Variants in MARK3 observed in about 807,000 individuals in gnomAD.
MARK3 encodes MAP/microtubule affinity-regulating kinase 3.
MARK3 carries 46 observed loss-of-function variants against 90.1 expected under a neutral mutation model. The observed-to-expected ratio is 0.51, with a 90% CI of 0.40 to 0.65. The LOEUF is 0.65. Ranked by LOEUF, MARK3 falls within the 30% of genes least tolerant of loss-of-function variation. The pLI is 0.00. For synonymous variants in MARK3, 321 were observed against 332.6 expected, an observed-to-expected ratio of 0.97 and a Z score of 0.38; for missense variants, 818 against 947.2, an observed-to-expected ratio of 0.86 and a Z score of 1.79.
At chr14:103,399,127 T>TA (rs1195519959) in intron 1 of MARK3, among the ~76,000 whole-genome samples, 2 of 152,220 alleles carry the variant, frequency 1.3e-5, no homozygotes, top group South Asian at 2.1e-4. Context: ...ATATTGATGT[T>TA]AAAAAAATTT....
intron 15 of MARK3, among the ~76,000 whole-genome samples, chr14:103,497,346 A>T (rs924920147): frequency 5.3e-5 from 8 of 152,254 alleles, no homozygotes; most frequent in Admixed American, 5.2e-4. Context: ...TTCAGCAGAT[A>T]TAGATGACTG....
rs764249228 is a variant in MARK3 at position 103,491,908 on chromosome 14, G to A, written c.1718G>A (p.Arg573Gln). 24 of 1,613,968 alleles carry A rather than the reference G, an allele frequency of 1.5e-5. No individual in the cohort carries two copies. Among genetic ancestry groups the A allele is most frequent in the African/African-American group, 2.7e-5 (2 of 74,888 alleles). Residue 573 changes from arginine (R) to glutamine (Q), a missense_variant, in exon 15 of 18, where the codon CGA becomes CAA. Transcript: ENST00000429436. ...TTCCACGGCCAGCCCCGGGAACGGC[G>A]AACCGCAACATATAATGGCCCTCCT... ...STFHGQPRERRTATYNGPPAS... is the reference protein window; with the variant it reads ...STFHGQPRERQTATYNGPPAS...
At chr14:103,425,245 A>ATTT in intron 2 of MARK3, among the ~76,000 whole-genome samples, 1 of 119,002 alleles carries the variant, frequency 8.4e-6, no homozygotes, top group East Asian at 2.5e-4. Context: ...TGGCCTATTT[A>ATTT]TTTATTATTT....
chr14:103,480,539 A>G lies in MARK3; in HGVS notation c.1586+49A>G, dbSNP rs1187692878. ...AGAAAAGTTGTTTTTCCCAAGAGAA[A>G]TGGAAGCATGTTATTTACTGCTTTG... On this transcript the variant is annotated intron_variant, in intron 14 of 17. Transcript: ENST00000429436. The G allele has an allele frequency of 4.5e-6, 5 of 1,100,726 alleles. No homozygotes were observed. In the African/African-American group the frequency reaches 7.8e-5, roughly 17 times the overall value. 68.2% of individuals were successfully genotyped at this position (1,100,726 alleles called of 1,614,324 possible).
In MARK3 at chr14:103,444,517, G is replaced by A. The variant is rs571947055; in HGVS notation, c.298-4402G>A. 1.1e-4 allele frequency among the ~76,000 whole-genome samples: 17 copies of A among 152,344 alleles called. No individual in the cohort carries two copies. The East Asian group carries it at 2.3e-3, about 21-fold the overall frequency. On this transcript the variant is annotated intron_variant, in intron 3 of 17. Coordinates refer to ENST00000429436, the MANE Select transcript of MARK3 (RefSeq NM_001128918.3). ...AAATAGGCTGGGCGCGGTGGCTCAC[G>A]CCTGTAATCCCAGCACTTTGGGAGG...
intron 1 of MARK3, among the ~76,000 whole-genome samples, chr14:103,399,879 G>A (rs2090844532): frequency 6.6e-6 from 1 of 151,594 alleles, no homozygotes; most frequent in African/African-American, 2.4e-5. Flanking sequence ...CTACATGGTT[G>A]CATTCAAGGA....
intron 1 of MARK3, among the ~76,000 whole-genome samples, chr14:103,393,461 G>GAA (rs371038092): frequency 6.8e-6 from 1 of 146,876 alleles, no homozygotes; most frequent in Non-Finnish European, 1.5e-5. Context: ...TCTTAAGAAA[G>GAA]AAAAAAAAAA....
intron 5 of MARK3, among the ~76,000 whole-genome samples, chr14:103,452,469 G>GTATTTTTTT (rs1404035040): frequency 1.2e-5 from 1 of 84,218 alleles, no homozygotes; most frequent in Non-Finnish European, 3.2e-5. Flanking sequence ...TACAGGATTT[G>GTATTTTTTT]TCTTTTTTTT....
At position 103,495,448 on chromosome 14, in the gene MARK3, C is replaced by G. The variant is rs1285613532; in HGVS notation, c.1845-3054C>G. On this transcript the variant is annotated intron_variant, in intron 15 of 17. Coordinates refer to ENST00000429436, the MANE Select transcript of MARK3 (RefSeq NM_001128918.3). Reference sequence around the variant, plus strand: ...AGAGCCAAGATCACACCATTGCACTCCAGCCTGGCGACAGATTGACACTCC... The same window carrying G: ...AGAGCCAAGATCACACCATTGCACTGCAGCCTGGCGACAGATTGACACTCC... Among the ~76,000 whole-genome samples the G allele has an allele frequency of 6.7e-4, 4 of 5,936 alleles. No individual in the cohort carries two copies. The Non-Finnish European group carries it at 0.047, about 69-fold the overall frequency. The allele number at this position is 5,936 out of a possible 152,430, so 3.9% of individuals were successfully genotyped here.
At chr14:103,500,113 T>C in intron 16 of MARK3, 43 bp from the exon 17 acceptor site, 1 of 1,536,678 alleles carries the variant, frequency 6.5e-7, no homozygotes, top group Non-Finnish European at 9.0e-7. Context: ...AGATTTCTTT[T>C]CTCTTTCCCT....
At chr14:103,494,838 T>C (rs563717797) in intron 15 of MARK3, among the ~76,000 whole-genome samples, 135 of 152,274 alleles carry the variant, frequency 8.9e-4, no homozygotes, top group African/African-American at 3.0e-3. Context: ...GGTTTTATCA[T>C]GTTGGCCAGG....
At chr14:103,458,480 C>CAAAA (rs959742114) in intron 6 of MARK3, among the ~76,000 whole-genome samples, 4 of 98,434 alleles carry the variant, frequency 4.1e-5, no homozygotes, top group South Asian at 4.4e-4. Flanking sequence ...AAAAAAGAAG[C>CAAAA]AGCAGCTGTA....
chr14:103,452,975 T>G (rs1410002811), intron 5 of MARK3, among the ~76,000 whole-genome samples: 1 of 152,226 alleles, frequency 6.6e-6, no homozygotes, highest in African/African-American at 2.4e-5. Context: ...GAAACAAATG[T>G]GTGCTTTGGT....
intron 1 of MARK3, among the ~76,000 whole-genome samples, chr14:103,392,493 C>CT (rs1340004011): frequency 2.0e-5 from 3 of 152,106 alleles, no homozygotes; most frequent in Non-Finnish European, 2.9e-5. Context: ...GGGGACCACT[C>CT]TTAAGAATCA....
At chr14:103,490,831 A>T in intron 14 of MARK3, 1 of 501,820 alleles carries the variant, frequency 2.0e-6, no homozygotes. Flanking sequence ...GGAGATTTTT[A>T]TTCTTTACCA....
intron 4 of MARK3, 74 bp from the exon 5 acceptor site, chr14:103,451,844 A>G: frequency 3.0e-6 from 3 of 991,682 alleles, no homozygotes; most frequent in Non-Finnish European, 4.5e-6. Flanking sequence ...TTTCATAGTT[A>G]GAGTTTATAT....
intron 3 of MARK3, among the ~76,000 whole-genome samples, chr14:103,440,776 G>T (rs1349480467): frequency 6.0e-5 from 9 of 150,880 alleles, no homozygotes; most frequent in African/African-American, 1.9e-4. Flanking sequence ...TCTACAAAAA[G>T]ATTTTTTTTT....
intron 17 of MARK3, among the ~76,000 whole-genome samples, 165 bp from the exon 18 acceptor site, chr14:103,502,712 GAAGAA>G (rs2075736310): frequency 6.6e-6 from 1 of 152,202 alleles, no homozygotes; most frequent in Non-Finnish European, 1.5e-5. Context: ...GGGGGTGAGG[GAAGAA>G]AATAGACGAA....
chr14:103,398,652 C>G (rs1477922459), intron 1 of MARK3, among the ~76,000 whole-genome samples: 1 of 152,164 alleles, frequency 6.6e-6, no homozygotes, highest in Non-Finnish European at 1.5e-5. Flanking sequence ...GGATTACAAG[C>G]ATGAGTCACC....
Sources: gnomAD v4.1 joint callset for allele counts (sites outside exome capture counted in the v4.1 genomes callset) on GRCh38, gnomAD v4.1.1 for gene constraint, MANE v1.5 for transcripts, NCBI Gene and HGNC (gene_info 2026-07-23, HGNC 2026-07-21) for gene names.